SLC35F4: variants seen among roughly 807,000 people sequenced by gnomAD.
SLC35F4 encodes solute carrier family 35 member F4.
A neutral mutation model predicts 44.2 loss-of-function variants in SLC35F4; 24 were observed. The observed-to-expected ratio is 0.54, with a 90% CI of 0.39 to 0.76. SLC35F4 has a LOEUF of 0.76. Ranked by LOEUF, SLC35F4 falls within the 30% of genes least tolerant of loss-of-function variation. The probability of loss-of-function intolerance (pLI) is 0.00; values close to 1 mark genes in which losing one functional copy is unlikely to be tolerated. For synonymous variants in SLC35F4, 238 were observed against 223.6 expected, an observed-to-expected ratio of 1.06 and a Z score of -0.57; for missense variants, 562 against 586.1, an observed-to-expected ratio of 0.96 and a Z score of 0.42.
chr14:57,895,491 C>T (rs548608861), intron 1 of SLC35F4, among the ~76,000 whole-genome samples: 11 of 152,074 alleles, frequency 7.2e-5, no homozygotes, highest in African/African-American at 2.6e-4. Flanking sequence ...GAAGATTTCC[C>T]CCTTGCTGTT....
At chr14:57,816,343 G>A (rs1882588703) in intron 1 of SLC35F4, among the ~76,000 whole-genome samples, 1 of 152,022 alleles carries the variant, frequency 6.6e-6, no homozygotes, top group Admixed American at 6.6e-5. Flanking sequence ...CTGCAACTCA[G>A]GCACCAACAC....
intron 1 of SLC35F4, among the ~76,000 whole-genome samples, chr14:57,667,577 A>G (rs187030750): frequency 1.3e-5 from 2 of 149,928 alleles, no homozygotes; most frequent in Admixed American, 1.3e-4. Flanking sequence ...GAGTGAGAAC[A>G]TGCAGTGTTT....
intron 1 of SLC35F4, among the ~76,000 whole-genome samples, chr14:57,898,446 A>G (rs1039440919): frequency 1.3e-5 from 2 of 152,226 alleles, no homozygotes; most frequent in African/African-American, 4.8e-5. Flanking sequence ...TAGAAAGTTA[A>G]TAACTATGTT....
chr14:57,873,688 C>T (rs1372276528), intron 1 of SLC35F4, among the ~76,000 whole-genome samples: 1 of 152,030 alleles, frequency 6.6e-6, no homozygotes, highest in Non-Finnish European at 1.5e-5. Context: ...AGTAATCTTC[C>T]ATTTTCCAAG....
chr14:57,634,647 G>A (rs2072939451), intron 1 of SLC35F4, among the ~76,000 whole-genome samples: 1 of 152,128 alleles, frequency 6.6e-6, no homozygotes, highest in South Asian at 2.1e-4. Context: ...ACTGCCTCAG[G>A]CCATGGGATG....
intron 1 of SLC35F4, among the ~76,000 whole-genome samples, chr14:57,698,087 G>A (rs954486007): frequency 5.9e-5 from 9 of 152,170 alleles, no homozygotes; most frequent in Non-Finnish European, 1.0e-4. Flanking sequence ...ATCTCATAGA[G>A]ATTCTTAAGA....
chr14:57,919,898 T>C (rs1889407942), intron 1 of SLC35F4, among the ~76,000 whole-genome samples: 1 of 152,104 alleles, frequency 6.6e-6, no homozygotes, highest in African/African-American at 2.4e-5. Context: ...GGTGATTCTT[T>C]TAGACGTGGT....
chr14:57,803,735 G>A (rs1032968643), intron 1 of SLC35F4, among the ~76,000 whole-genome samples: 7 of 151,616 alleles, frequency 4.6e-5, no homozygotes, highest in African/African-American at 7.3e-5. Flanking sequence ...GATCACAGGC[G>A]CTTGACACCG....
intron 2 of SLC35F4, among the ~76,000 whole-genome samples, chr14:57,593,121 G>A (rs1308682682): frequency 6.6e-6 from 1 of 152,206 alleles, no homozygotes; most frequent in Non-Finnish European, 1.5e-5. Flanking sequence ...ACATTCTGAG[G>A]TAGAGGAATG....
intron 2 of SLC35F4, among the ~76,000 whole-genome samples, chr14:57,589,969 A>G (rs1285501297): frequency 6.6e-6 from 1 of 152,212 alleles, no homozygotes; most frequent in Admixed American, 6.5e-5. Flanking sequence ...AGAACGCCAA[A>G]TAGAAGGTGT....
At chr14:57,866,963 TAA>T (rs1888181481), upstream of SLC35F4, among the ~76,000 whole-genome samples, 7 of 103,378 alleles carry the variant, frequency 6.8e-5, no homozygotes, top group South Asian at 2.9e-4. Flanking sequence ...CTGCAAATAA[TAA>T]TAATAATAAT....
chr14:57,631,953 T>A (rs1277942419), intron 1 of SLC35F4, among the ~76,000 whole-genome samples: 1 of 152,132 alleles, frequency 6.6e-6, no homozygotes, highest in Non-Finnish European at 1.5e-5. Context: ...CTTTTTTCAA[T>A]TTTGGTTTTA....
intron 1 of SLC35F4, among the ~76,000 whole-genome samples, chr14:57,678,942 C>CATTAA (rs2074797402): frequency 3.9e-5 from 6 of 152,138 alleles, no homozygotes; most frequent in African/African-American, 1.4e-4. Flanking sequence ...CTTTAACACC[C>CATTAA]CACTGTCAAT....
chr14:57,776,665 C>CAAAAAAAAAAAAAA (rs57272978), intron 1 of SLC35F4, among the ~76,000 whole-genome samples: 1 of 72,068 alleles, frequency 1.4e-5, no homozygotes, highest in African/African-American at 4.6e-5. Context: ...GACTCCATCT[C>CAAAAAAAAAAAAAA]AAAAAAAAAA....
At chr14:57,568,192 C>T (rs1280109965) in intron 6 of SLC35F4, among the ~76,000 whole-genome samples, 1 of 152,198 alleles carries the variant, frequency 6.6e-6, no homozygotes, top group East Asian at 1.9e-4. Context: ...TGCTGCTTGG[C>T]ACTGTACCCA....
At chr14:57,762,562 A>G (rs182819930) in intron 1 of SLC35F4, among the ~76,000 whole-genome samples, 5 of 152,262 alleles carry the variant, frequency 3.3e-5, no homozygotes, top group Admixed American at 2.6e-4. Flanking sequence ...CTCATGTTGA[A>G]ATTTAATTGC....
chr14:57,832,283 G>A (rs974909918), intron 1 of SLC35F4, among the ~76,000 whole-genome samples: 1 of 151,424 alleles, frequency 6.6e-6, no homozygotes, highest in Admixed American at 6.6e-5. Context: ...GGCTTCAAGA[G>A]TTTAACTGCT....
chr14:57,911,777 G>A (rs958837571), intron 1 of SLC35F4, among the ~76,000 whole-genome samples: 6 of 151,902 alleles, frequency 3.9e-5, no homozygotes, highest in Non-Finnish European at 8.8e-5. Flanking sequence ...TGATATTAGG[G>A]TAATACTGGC....
At chr14:57,982,804 G>A (rs934774731), upstream of SLC35F4, among the ~76,000 whole-genome samples, 1 of 152,062 alleles carries the variant, frequency 6.6e-6, no homozygotes, top group Non-Finnish European at 1.5e-5. Flanking sequence ...GCTTCTGGAG[G>A]ACACACTGGC....
Sources: gnomAD v4.1 joint callset for allele counts (sites outside exome capture counted in the v4.1 genomes callset) on GRCh38, gnomAD v4.1.1 for gene constraint, MANE v1.5 for transcripts, NCBI Gene and HGNC (gene_info 2026-07-23, HGNC 2026-07-21) for gene names.